The following POTEM variants were observed in gnomAD, a reference collection of about 807,000 sequenced individuals.
POTEM encodes the protein putative POTE ankyrin domain family member M.
For synonymous variants in POTEM, 8 were observed against 113.2 expected, an observed-to-expected ratio of 0.07 and a Z score of 5.90; for missense variants, 24 against 343.0, an observed-to-expected ratio of 0.07 and a Z score of 7.35.
intron 1 of POTEM, among the ~76,000 whole-genome samples, chr14:18,968,698 C>T (rs531545977): frequency 7.8e-4 from 119 of 151,880 alleles, no homozygotes; most frequent in African/African-American, 2.8e-3. Context: ...TGGCAGGCAC[C>T]TGTAGTCCCA....
At chr14:18,985,812 G>T (rs1330133869) in intron 7 of POTEM, among the ~76,000 whole-genome samples, 1 of 144,374 alleles carries the variant, frequency 6.9e-6, no homozygotes, top group African/African-American at 2.7e-5. Context: ...GGCTGAGGCA[G>T]GAGAATGCCA....
At chr14:18,969,388 T>C (rs1481632036) in intron 1 of POTEM, among the ~76,000 whole-genome samples, 3 of 132,446 alleles carry the variant, frequency 2.3e-5, no homozygotes, top group African/African-American at 6.3e-5. Context: ...TACACAAAAT[T>C]TCTTTTTTTT....
At chr14:18,981,354 CACAA>C (rs1236040195) in intron 6 of POTEM, among the ~76,000 whole-genome samples, 1 of 149,806 alleles carries the variant, frequency 6.7e-6, no homozygotes, top group African/African-American at 2.4e-5. Flanking sequence ...TGCTACAGAG[CACAA>C]ACAATTAAAA....
chr14:18,986,252 G>T (rs1369740937), intron 7 of POTEM, among the ~76,000 whole-genome samples: 7 of 139,748 alleles, frequency 5.0e-5, no homozygotes, highest in Admixed American at 7.0e-5. Context: ...GATGGTCCCT[G>T]AGCTGGATTC....
At chr14:18,969,397 T>G (rs1374747857) in intron 1 of POTEM, among the ~76,000 whole-genome samples, 1 of 131,350 alleles carries the variant, frequency 7.6e-6, no homozygotes, top group African/African-American at 3.0e-5. Context: ...TTTCTTTTTT[T>G]TTTTTGATGG....
chr14:18,967,895 GAGA>G lies in POTEM; in HGVS notation c.414_416del (p.Glu138del), dbSNP rs754662958. The G allele has an allele frequency of 1.9e-5, 29 of 1,490,226 alleles. No homozygotes were observed. The South Asian group carries it at 3.2e-4, about 16-fold the overall frequency. The allele number at this position is 1,490,226 out of a possible 1,614,324, so 92.3% of individuals were successfully genotyped here. On this transcript the variant is annotated inframe_deletion, in exon 1 of 11. Transcript: ENST00000547889. ...ATGGAGCCGAGGTACCACGTCCGTC[GAGA>G]AGATCTGGACAAGCTCCACAGAGCT...
rs1464159120 is a variant in POTEM at position 18,985,740 on chromosome 14, C to T, written c.1197+259C>T. Among the ~76,000 whole-genome samples the T allele has an allele frequency of 2.9e-5, 4 of 138,106 alleles. No individual in the cohort carries two copies. The South Asian group carries it at 8.9e-4, about 31-fold the overall frequency. 90.6% of individuals were successfully genotyped at this position (138,106 alleles called of 152,430 possible). A position where few individuals can be genotyped will look rare whatever the true frequency, so the allele number is the denominator to read the frequency against. The stretch of plus-strand genomic sequence containing the variant: ...CTAAGATGATGAAACCCCGTCTCTA[C>T]TAAAAATACAAAAACTTAGCCGGGT... On this transcript the variant is annotated intron_variant, in intron 7 of 10. Coordinates refer to ENST00000547889, the MANE Select transcript of POTEM (RefSeq NM_001145442.1).
At chr14:18,981,616 A>T (rs1306924361) in intron 6 of POTEM, among the ~76,000 whole-genome samples, 3 of 151,370 alleles carry the variant, frequency 2.0e-5, no homozygotes, top group African/African-American at 7.3e-5. Context: ...GGCAGAAGGA[A>T]CATGCAACGA....
chr14:18,999,521 T>C lies in POTEM; in HGVS notation c.*856T>C, dbSNP rs1891345307. 9.6e-6 allele frequency among the ~76,000 whole-genome samples: 1 copy of C among 103,930 alleles called. No individual in the cohort carries two copies. Among genetic ancestry groups the C allele is most frequent in the African/African-American group, 3.3e-5 (1 of 30,420 alleles). 68.2% of individuals were successfully genotyped at this position (103,930 alleles called of 152,430 possible). On this transcript the variant is annotated 3_prime_UTR_variant, in exon 11 of 11. Coordinates refer to ENST00000547889, the MANE Select transcript of POTEM (RefSeq NM_001145442.1). The stretch of plus-strand genomic sequence containing the variant: ...GTGACATCACAGAGAAGCTGTGCTA[T>C]GTTGCCCTGGACTTCGAGCAGGAGA...
chr14:18,990,860 G>T (rs1252205396), intron 9 of POTEM, among the ~76,000 whole-genome samples: 6 of 27,110 alleles, frequency 2.2e-4, no homozygotes, highest in African/African-American at 6.1e-4. Flanking sequence ...GTTTCTCATG[G>T]CTCAGTCCTC....
chr14:18,985,833 G>A (rs1891168605), intron 7 of POTEM, among the ~76,000 whole-genome samples: 1 of 143,462 alleles, frequency 7.0e-6, no homozygotes, highest in Admixed American at 6.9e-5. Flanking sequence ...TGAACCTGGG[G>A]GGTGGAGCTT....
chr14:18,975,471 T>A (rs1354823817), intron 3 of POTEM, among the ~76,000 whole-genome samples: 12 of 148,226 alleles, frequency 8.1e-5, no homozygotes, highest in Non-Finnish European at 1.5e-4. Flanking sequence ...TTAGTTTCAG[T>A]AGTCCTATGA....
intron 9 of POTEM, among the ~76,000 whole-genome samples, chr14:18,996,625 GTGAATCAAA>G (rs1891307677): frequency 8.0e-6 from 1 of 124,940 alleles, no homozygotes; most frequent in African/African-American, 3.2e-5. Context: ...CACTCCTTAT[GTGAATCAAA>G]TGCCTTTATG....
intron 1 of POTEM, among the ~76,000 whole-genome samples, chr14:18,969,320 T>TCC (rs1890847401): frequency 1.9e-5 from 1 of 53,546 alleles, no homozygotes; most frequent in Non-Finnish European, 3.3e-5. Flanking sequence ...TATATATGTA[T>TCC]ATATATATAT....
At chr14:18,968,693 G>A (rs1239474947) in intron 1 of POTEM, among the ~76,000 whole-genome samples, 1 of 152,148 alleles carries the variant, frequency 6.6e-6, no homozygotes, top group Non-Finnish European at 1.5e-5. Flanking sequence ...CGCGGTGGCA[G>A]GCACCTGTAG....
In POTEM at chr14:18,967,990, AAGGACAAGCAAAAG is replaced by A. The variant is rs1488946150; in HGVS notation, c.509_521+1del. 7.0e-7 allele frequency: 1 copy of A among 1,426,014 alleles called. No individual in the cohort carries two copies. Among genetic ancestry groups the A allele is most frequent in the African/African-American group, 1.5e-5 (1 of 66,728 alleles). The allele number at this position is 1,426,014 out of a possible 1,614,324, so 88.3% of individuals were successfully genotyped here. On this transcript the variant is annotated frameshift_variant and splice_region_variant, in exon 1 of 11. Coordinates refer to ENST00000547889, the MANE Select transcript of POTEM (RefSeq NM_001145442.1). LOFTEE classifies it high-confidence loss of function. ...GCTCAAGGACACTGACATGAACAAGAAGGACAAGCAAAAGAGGTAACCAGGCCTGGGCTGGGAGG... is the reference window on the plus strand; with the variant it reads ...GCTCAAGGACACTGACATGAACAAGAAGGTAACCAGGCCTGGGCTGGGAGG...
chr14:18,968,809 C>G (rs1890826751), intron 1 of POTEM, among the ~76,000 whole-genome samples: 1 of 152,108 alleles, frequency 6.6e-6, no homozygotes, highest in South Asian at 2.1e-4. Context: ...GGAGACAGAG[C>G]AAGACTCCGT....
At chr14:18,968,824 A>AG (rs1422603439) in intron 1 of POTEM, among the ~76,000 whole-genome samples, 1 of 150,260 alleles carries the variant, frequency 6.7e-6, no homozygotes, top group African/African-American at 2.5e-5. Context: ...CTCCGTCTCA[A>AG]AAAAAAAAAA....
intron 6 of POTEM, among the ~76,000 whole-genome samples, chr14:18,984,453 CTG>C (rs1199342446): frequency 1.5e-4 from 13 of 89,322 alleles, no homozygotes; most frequent in African/African-American, 7.1e-4. Flanking sequence ...AAAACAAAGA[CTG>C]TTTTTACAAA....
Sources: gnomAD v4.1 joint callset for allele counts (sites outside exome capture counted in the v4.1 genomes callset) on GRCh38, gnomAD v4.1.1 for gene constraint, MANE v1.5 for transcripts, NCBI Gene and HGNC (gene_info 2026-07-23, HGNC 2026-07-21) for gene names.